EPN2: variants seen among roughly 807,000 people sequenced by gnomAD.
EPN2 encodes epsin-2.
Under a neutral mutation model 61.7 loss-of-function variants are expected in EPN2, and 34 were observed. That is an observed-to-expected ratio of 0.55 (90% CI 0.42 to 0.73). The LOEUF is 0.73. EPN2 is among the 30% of genes least tolerant of loss of function. EPN2 has a pLI of 0.00. For synonymous variants in EPN2, 349 were observed against 353.6 expected (o/e 0.99, Z 0.15); for missense variants, 714 against 839.2 (o/e 0.85, Z 1.84).
chr17:19,266,795 T>C (rs1336141354), intron 1 of EPN2, among the ~76,000 whole-genome samples: 2 of 151,966 alleles, frequency 1.3e-5, no homozygotes, highest in African/African-American at 4.8e-5. Context: ...AACTGATGAA[T>C]GGGTAAACAA....
chr17:19,265,218 C>A lies in EPN2; in HGVS notation c.-293-16737C>A, dbSNP rs191767619. Among the ~76,000 whole-genome samples, 552 of 152,046 alleles carry A rather than the reference C, an allele frequency of 3.6e-3. 3 individuals are homozygous for A. The highest frequency in any genetic ancestry group is 5.7e-3 in the Non-Finnish European group (390 of 67,986). ...GACCAGCCTGGCCAACATAGGGAAACCCCATCTCTACAAAAAATAATAAGC... is the reference window on the plus strand; with the variant it reads ...GACCAGCCTGGCCAACATAGGGAAAACCCATCTCTACAAAAAATAATAAGC... On this transcript the variant is annotated intron_variant, in intron 1 of 10. Coordinates refer to ENST00000314728, the MANE Select transcript of EPN2 (RefSeq NM_014964.5).
chr17:19,268,828 C>T (rs2045226649), intron 1 of EPN2, among the ~76,000 whole-genome samples: 1 of 152,224 alleles, frequency 6.6e-6, no homozygotes, highest in East Asian at 1.9e-4. Context: ...CTGTGCATAA[C>T]AACAGAGAGA....
intron 4 of EPN2, among the ~76,000 whole-genome samples, chr17:19,298,452 G>T (rs1006592759): frequency 1.3e-5 from 2 of 152,140 alleles, no homozygotes; most frequent in African/African-American, 2.4e-5. Context: ...CCACCTCAAG[G>T]TCAGCTTCCC....
chr17:19,284,571 T>C (rs2045386992), intron 3 of EPN2, among the ~76,000 whole-genome samples: 2 of 152,308 alleles, frequency 1.3e-5, no homozygotes, highest in Non-Finnish European at 1.5e-5. Flanking sequence ...GTAGAAATTA[T>C]ATCTTCTGGC....
intron 1 of EPN2, among the ~76,000 whole-genome samples, chr17:19,266,548 G>T (rs923982231): frequency 1.3e-5 from 2 of 151,854 alleles, no homozygotes; most frequent in African/African-American, 4.8e-5. Context: ...GACTACAGGC[G>T]CCCGCTACCA....
At chr17:19,327,413 T>A (rs968957564) in intron 7 of EPN2, among the ~76,000 whole-genome samples, 3 of 152,146 alleles carry the variant, frequency 2.0e-5, no homozygotes, top group Non-Finnish European at 4.4e-5. Context: ...GGCTCACACC[T>A]GTATTCCTAG....
At position 19,335,386 on chromosome 17, in the gene EPN2, T is replaced by C; in HGVS notation, c.*1132T>C. ...TGACTCACCAATTTTTATCAACTAA[T>C]TCCTTTTTTTTATTAAAGGCATGCA... On this transcript the variant is annotated 3_prime_UTR_variant, in exon 11 of 11. Coordinates refer to ENST00000314728, the MANE Select transcript of EPN2 (RefSeq NM_014964.5). 1 of 1,547,658 alleles carries C rather than the reference T, an allele frequency of 6.5e-7. No homozygotes were observed. Among genetic ancestry groups the C allele is most frequent in the Non-Finnish European group, 8.7e-7 (1 of 1,145,478 alleles).
In EPN2 at chr17:19,283,426, A is replaced by T. The variant is rs369019354; in HGVS notation, c.307A>T (p.Ile103Phe). The change falls in exon 3 of 11, where the codon ATC becomes TTC. Residue 103 changes from isoleucine (I) to phenylalanine (F), a missense_variant. By Grantham distance (21) the Ile-to-Phe change is conservative. Around this residue, in one of 2 missense-constraint regions of EPN2, gnomAD observed 304 missense variants for 417.4 expected, o/e 0.73. Coordinates refer to ENST00000314728, the MANE Select transcript of EPN2 (RefSeq NM_014964.5). This position sits in a 1 kb window ranked among gnomAD's most constrained non-coding sequence, Gnocchi z 7.0. ...AQQCRENIFA[I>F]QTLKDFQYID... is the part of the protein sequence containing the mutation. Reference sequence around the variant, plus strand: ...GCAGTGCCGGGAGAACATCTTCGCCATCCAGACCCTGAAGGACTTCCAGTA... The same window carrying T: ...GCAGTGCCGGGAGAACATCTTCGCCTTCCAGACCCTGAAGGACTTCCAGTA... 3.8e-5 allele frequency: 62 copies of T among 1,614,120 alleles called. No individual in the cohort carries two copies. The highest frequency in any genetic ancestry group is 5.2e-5 in the Non-Finnish European group (61 of 1,180,042).
At position 19,257,521 on chromosome 17, in the gene EPN2, C is replaced by CT. The variant is rs1411841238; in HGVS notation, c.-294+19991dup. On this transcript the variant is annotated intron_variant, in intron 1 of 10. Coordinates refer to ENST00000314728, the MANE Select transcript of EPN2 (RefSeq NM_014964.5). ...TTTGATTTATTTTCTCTCTCTCTCT[C>CT]TCTTTTTTTTTTTTTTGACACGGGG... Among the ~76,000 whole-genome samples, 17 of 117,518 alleles carry CT rather than the reference C, an allele frequency of 1.4e-4. No homozygotes were observed. The East Asian group carries it at 1.9e-3, about 13-fold the overall frequency. The allele number at this position is 117,518 out of a possible 152,430, so 77.1% of individuals were successfully genotyped here. A position where few individuals can be genotyped will look rare whatever the true frequency, so the allele number is the denominator to read the frequency against.
chr17:19,291,843 G>A (rs972009181), intron 4 of EPN2, among the ~76,000 whole-genome samples: 8 of 152,166 alleles, frequency 5.3e-5, no homozygotes, highest in Admixed American at 3.3e-4. Context: ...GCCCTCAGAG[G>A]ACTCTCTACG....
chr17:19,289,074 G>GTTTTGT lies in EPN2; in HGVS notation c.766+3288_766+3289insGTTTTT, dbSNP rs2045432732. Among the ~76,000 whole-genome samples, 2 of 68,670 alleles carry GTTTTGT rather than the reference G, an allele frequency of 2.9e-5. 1 individual carries two copies. The highest frequency in any genetic ancestry group is 1.5e-4 in the African/African-American group (2 of 13,360). The allele number at this position is 68,670 out of a possible 152,430, so 45.1% of individuals were successfully genotyped here. A position where few individuals can be genotyped will look rare whatever the true frequency, so the allele number is the denominator to read the frequency against. On this transcript the variant is annotated intron_variant, in intron 4 of 10. Coordinates refer to ENST00000314728, the MANE Select transcript of EPN2 (RefSeq NM_014964.5). ...TGGGCAGTAGCCAGGTTCTGGGTAT[G>GTTTTGT]TTTTTTTTTTTTTTTTTTTTTTTTT... is the stretch of plus-strand genomic sequence containing the variant.
intron 4 of EPN2, among the ~76,000 whole-genome samples, chr17:19,302,565 C>A (rs2152227246): frequency 6.6e-6 from 1 of 152,300 alleles, no homozygotes; most frequent in African/African-American, 2.4e-5. Flanking sequence ...TTTCCCATCA[C>A]CCCCAGATGG....
intron 1 of EPN2, among the ~76,000 whole-genome samples, chr17:19,245,483 GCTCACTGCAGCGGCGGGA>G (rs2044935888): frequency 7.1e-6 from 1 of 140,390 alleles, no homozygotes; most frequent in African/African-American, 3.0e-5. Flanking sequence ...CGGGATCTCA[GCTCACTGCAGCGGCGGGA>G]TCTCAGCTCA....
At chr17:19,247,591 C>T (rs1384840733) in intron 1 of EPN2, among the ~76,000 whole-genome samples, 1 of 152,142 alleles carries the variant, frequency 6.6e-6, no homozygotes, top group African/African-American at 2.4e-5. Context: ...TGTGCTGGCT[C>T]CTGCAGCTGG....
At chr17:19,286,585 T>A (rs1261090517) in intron 4 of EPN2, among the ~76,000 whole-genome samples, 1 of 152,210 alleles carries the variant, frequency 6.6e-6, no homozygotes, top group Non-Finnish European at 1.5e-5. Flanking sequence ...TCTTCTACTC[T>A]TCTTACAAGA....
At chr17:19,239,796 C>T (rs2044863463) in intron 1 of EPN2, among the ~76,000 whole-genome samples, 1 of 152,198 alleles carries the variant, frequency 6.6e-6, no homozygotes, top group Non-Finnish European at 1.5e-5. Context: ...GGGCCAAGCA[C>T]TCGAGGTGTG....
chr17:19,247,517 T>C (rs1377902317), intron 1 of EPN2, among the ~76,000 whole-genome samples: 1 of 152,112 alleles, frequency 6.6e-6, no homozygotes, highest in African/African-American at 2.4e-5. Flanking sequence ...GATGGGAAGG[T>C]ATTTCGGATC....
At chr17:19,280,250 G>T (rs1393793252) in intron 1 of EPN2, among the ~76,000 whole-genome samples, 2 of 152,160 alleles carry the variant, frequency 1.3e-5, no homozygotes, top group African/African-American at 2.4e-5. Flanking sequence ...GGTGGTCCCT[G>T]GCACATTGTA....
chr17:19,261,363 A>G (rs533885442), intron 1 of EPN2, among the ~76,000 whole-genome samples: 2 of 152,294 alleles, frequency 1.3e-5, no homozygotes, highest in East Asian at 3.9e-4. Context: ...ATGTTGTCAT[A>G]TGTTTAAGGA....
Sources: gnomAD v4.1 joint callset for allele counts (sites outside exome capture counted in the v4.1 genomes callset) on GRCh38, gnomAD v4.1.1 for gene constraint, gnomAD v4.1.1 regional missense constraint, Gnocchi (gnomAD v3.1) non-coding constraint, MANE v1.5 for transcripts, NCBI Gene and HGNC (gene_info 2026-07-23, HGNC 2026-07-21) for gene names.